LINGO2: variants seen among roughly 807,000 people sequenced by gnomAD.
LINGO2 encodes the protein leucine-rich repeat and immunoglobulin-like domain-containing nogo receptor-interacting protein 2.
In LINGO2, 14 loss-of-function variants were observed where a neutral mutation model predicts 30.6. The observed-to-expected ratio is 0.46, with a 90% CI of 0.30 to 0.72. The LOEUF (loss-of-function observed/expected upper bound fraction) is 0.72. LINGO2 is among the 30% of genes least tolerant of loss of function. LINGO2 has a pLI of 0.07. For synonymous variants in LINGO2, 317 were observed against 288.5 expected, an observed-to-expected ratio of 1.10 and a Z score of -1.00; for missense variants, 729 against 751.7, an observed-to-expected ratio of 0.97 and a Z score of 0.35.
At chr9:29,165,445 A>T in the LINGO2 span, among the ~76,000 whole-genome samples, 1 of 152,034 alleles carries the variant, frequency 6.6e-6, no homozygotes, top group Non-Finnish European at 1.5e-5. Context: ...AGAATTGGCT[A>T]TTTCCCCCAT....
intron 4 of LINGO2, among the ~76,000 whole-genome samples, chr9:28,076,723 T>C (rs1224805136): frequency 6.6e-6 from 1 of 152,108 alleles, no homozygotes; most frequent in African/African-American, 2.4e-5. Flanking sequence ...CATAGTTTTA[T>C]TGGGTTTCAA....
At chr9:28,279,132 C>G (rs1466987645) in intron 4 of LINGO2, among the ~76,000 whole-genome samples, 1 of 152,106 alleles carries the variant, frequency 6.6e-6, no homozygotes, top group Non-Finnish European at 1.5e-5. Context: ...ATCTCATGAT[C>G]AAACCTGAAT....
the LINGO2 span, among the ~76,000 whole-genome samples, chr9:29,148,835 G>A: frequency 6.6e-6 from 1 of 151,970 alleles, no homozygotes; most frequent in African/African-American, 2.4e-5. Context: ...TGCCCCACAG[G>A]AATAACAAAA....
intron 1 of LINGO2, among the ~76,000 whole-genome samples, chr9:28,528,812 A>T (rs914248172): frequency 1.3e-5 from 2 of 152,070 alleles, no homozygotes; most frequent in African/African-American, 4.8e-5. Context: ...ATATATATAC[A>T]CATATATGTA....
intron 5 of LINGO2, among the ~76,000 whole-genome samples, chr9:27,992,997 G>A (rs1284635121): frequency 6.6e-6 from 1 of 152,056 alleles, no homozygotes; most frequent in Admixed American, 6.6e-5. Context: ...AGAATATATT[G>A]TCATTAGATG....
chr9:29,052,911 A>G, the LINGO2 span, among the ~76,000 whole-genome samples: 1 of 152,170 alleles, frequency 6.6e-6, no homozygotes, highest in Non-Finnish European at 1.5e-5. Flanking sequence ...AAGAAAGACT[A>G]AACTTTCTTG....
chr9:28,775,693 T>C, the LINGO2 span, among the ~76,000 whole-genome samples: 1 of 152,228 alleles, frequency 6.6e-6, no homozygotes, highest in Non-Finnish European at 1.5e-5. Flanking sequence ...CTAAGAACTA[T>C]TAAAGATGTA....
chr9:28,187,614 A>G (rs1178271627), intron 4 of LINGO2, among the ~76,000 whole-genome samples: 5 of 152,174 alleles, frequency 3.3e-5, no homozygotes, highest in Non-Finnish European at 1.5e-5. Context: ...TAATCAGTAA[A>G]GAGGAGAGAT....
intron 4 of LINGO2, among the ~76,000 whole-genome samples, chr9:28,027,604 A>C (rs1022166185): frequency 6.6e-6 from 1 of 152,164 alleles, no homozygotes; most frequent in Admixed American, 6.5e-5. Flanking sequence ...CCACTTTCTT[A>C]GTAATGTGAC....
In LINGO2 at chr9:28,645,412, C is replaced by A. The variant is rs539723695; in HGVS notation, c.-365+24788G>T. On this transcript the variant is annotated intron_variant, in intron 1 of 5. Transcript: ENST00000379992. ...ATCCCATGGTATTTAAAATAGAAATCAAGCTTTAAAACAAAACAAAGTCCA... is the reference window on the plus strand; with the variant it reads ...ATCCCATGGTATTTAAAATAGAAATAAAGCTTTAAAACAAAACAAAGTCCA... Among the ~76,000 whole-genome samples, 17 of 152,188 alleles carry A rather than the reference C, an allele frequency of 1.1e-4. 1 individual carries two copies. In the South Asian group the frequency reaches 3.1e-3, roughly 28 times the overall value.
chr9:28,318,998 T>C (rs1236582353), intron 3 of LINGO2, among the ~76,000 whole-genome samples: 1 of 152,180 alleles, frequency 6.6e-6, no homozygotes, highest in Non-Finnish European at 1.5e-5. Flanking sequence ...CCTTAGAATG[T>C]AGGGCTGACT....
At chr9:28,706,062 C>T in the LINGO2 span, among the ~76,000 whole-genome samples, 21,474 of 151,996 alleles carry the variant, frequency 0.14, 2,022 homozygotes, top group African/African-American at 0.27. Context: ...AAACTGAGGG[C>T]ACAAATCTTC....
the LINGO2 span, among the ~76,000 whole-genome samples, chr9:29,129,253 T>C: frequency 3.9e-5 from 6 of 152,084 alleles, no homozygotes; most frequent in South Asian, 2.1e-4. Flanking sequence ...TTTAAAAAAA[T>C]TGTTAACAAG....
intron 1 of LINGO2, among the ~76,000 whole-genome samples, chr9:28,647,134 G>A (rs1201838764): frequency 6.6e-6 from 1 of 151,978 alleles, no homozygotes; most frequent in African/African-American, 2.4e-5. Context: ...TTGATACCTG[G>A]AGAATATGCA....
At chr9:28,611,073 T>C (rs1018242274) in intron 1 of LINGO2, among the ~76,000 whole-genome samples, 1 of 152,122 alleles carries the variant, frequency 6.6e-6, no homozygotes, top group African/African-American at 2.4e-5. Flanking sequence ...GACATAACAG[T>C]AGTAAACTCA....
At chr9:29,191,718 G>A in the LINGO2 span, among the ~76,000 whole-genome samples, 1 of 152,076 alleles carries the variant, frequency 6.6e-6, no homozygotes, top group Non-Finnish European at 1.5e-5. Context: ...CAAATCATCT[G>A]CCATGCATGT....
intron 2 of LINGO2, among the ~76,000 whole-genome samples, chr9:28,445,831 T>G (rs1232029019): frequency 6.6e-6 from 1 of 152,188 alleles, no homozygotes; most frequent in Non-Finnish European, 1.5e-5. Flanking sequence ...TAATTCCTTT[T>G]GTGATTCTCT....
intron 1 of LINGO2, among the ~76,000 whole-genome samples, chr9:28,530,244 G>A (rs979900522): frequency 1.3e-5 from 2 of 151,920 alleles, no homozygotes; most frequent in South Asian, 2.1e-4. Context: ...TGATGACAAC[G>A]AAGATAATGC....
At chr9:28,786,801 C>T in the LINGO2 span, among the ~76,000 whole-genome samples, 1 of 152,034 alleles carries the variant, frequency 6.6e-6, no homozygotes, top group Non-Finnish European at 1.5e-5. Context: ...GAAGTATGGG[C>T]ATACTTCTAG....
Sources: allele counts gnomAD v4.1 joint callset (sites outside exome capture counted in the v4.1 genomes callset), GRCh38; gene constraint gnomAD v4.1.1; transcripts MANE v1.5; gene names NCBI Gene and HGNC (gene_info 2026-07-23, HGNC 2026-07-21).